The following MCU variants were observed in gnomAD, a reference collection of about 807,000 sequenced individuals.
The protein encoded by MCU is calcium uniporter protein, mitochondrial.
MCU carries 12 observed loss-of-function variants against 45.2 expected under a neutral mutation model. That is an observed-to-expected ratio of 0.27 (90% confidence interval 0.17 to 0.43). The LOEUF is 0.43. Ranked by LOEUF, MCU falls within the 20% of genes least tolerant of loss-of-function variation. The pLI, the probability that MCU is intolerant of heterozygous loss-of-function variation, is 1.00. For synonymous variants in MCU, 160 were observed against 165.1 expected, an observed-to-expected ratio of 0.97 and a Z score of 0.24; for missense variants, 324 against 436.7, an observed-to-expected ratio of 0.74 and a Z score of 2.30.
In MCU at chr10:72,844,440, AC is replaced by A. The variant is rs1374401343; in HGVS notation, c.220+10013del. ...AAAAATTAGCTGGGCATGGAGGCATACACCTGTAGTTGTAGCTACTCAGGAG... is the reference window on the plus strand; with the variant it reads ...AAAAATTAGCTGGGCATGGAGGCATAACCTGTAGTTGTAGCTACTCAGGAG... On this transcript the variant is annotated intron_variant, in intron 2 of 7. Coordinates refer to ENST00000373053, the MANE Select transcript of MCU (RefSeq NM_138357.3). Among the ~76,000 whole-genome samples, 29 of 151,946 alleles carry A rather than the reference AC, an allele frequency of 1.9e-4. 1 individual carries two copies. The highest frequency in any genetic ancestry group is 7.0e-4 in the African/African-American group (29 of 41,434).
At chr10:72,696,161 C>CAAAAAA (rs58694098) in intron 1 of MCU, among the ~76,000 whole-genome samples, 376 of 30,646 alleles carry the variant, frequency 0.012, 2 homozygotes, top group Non-Finnish European at 0.018. Flanking sequence ...AACTCCGACT[C>CAAAAAA]AAAAAAAAAA....
At chr10:72,765,110 GAGTT>G (rs973066150) in intron 1 of MCU, among the ~76,000 whole-genome samples, 36 of 150,178 alleles carry the variant, frequency 2.4e-4, no homozygotes, top group African/African-American at 6.1e-4. Context: ...AAAAAAGAGA[GAGTT>G]AGGGCATGTA....
At chr10:72,693,165 C>G in intron 1 of MCU, 2 of 1,203,124 alleles carry the variant, frequency 1.7e-6, no homozygotes, top group Non-Finnish European at 2.4e-6. Context: ...TTTGAACACT[C>G]TTGGGTGAGT....
At chr10:72,823,306 A>T (rs1000146016) in intron 1 of MCU, among the ~76,000 whole-genome samples, 5 of 152,232 alleles carry the variant, frequency 3.3e-5, no homozygotes, top group African/African-American at 1.2e-4. Context: ...TAGAAAATAC[A>T]GAAGATGGTA....
At chr10:72,785,790 T>C (rs776598683) in intron 1 of MCU, among the ~76,000 whole-genome samples, 1 of 152,236 alleles carries the variant, frequency 6.6e-6, no homozygotes, top group Non-Finnish European at 1.5e-5. Flanking sequence ...TTTAATTTAG[T>C]GTCAATTGTC....
intron 1 of MCU, among the ~76,000 whole-genome samples, chr10:72,830,598 TAA>T (rs1844864680): frequency 6.6e-6 from 1 of 152,214 alleles, no homozygotes; most frequent in African/African-American, 2.4e-5. Context: ...TGTCAGTATT[TAA>T]AAGTTACTAC....
chr10:72,886,668 C>T lies in MCU; in HGVS notation c.*846C>T, dbSNP rs1036916166. On this transcript the variant is annotated 3_prime_UTR_variant, in exon 8 of 8. Transcript: ENST00000373053. Reference sequence around the variant, plus strand: ...GGGGTGTTCAGCTGTACTACCAAATCAGGAAGATGTAAGGTTTACAAATTG... The same window carrying T: ...GGGGTGTTCAGCTGTACTACCAAATTAGGAAGATGTAAGGTTTACAAATTG... 13 of 152,330 alleles carry T rather than the reference C, an allele frequency of 8.5e-5. No individual in the cohort carries two copies. The allele number at this position is 152,330 out of a possible 1,614,324, so 9.4% of individuals were successfully genotyped here. A position where few individuals can be genotyped will look rare whatever the true frequency, so the allele number is the denominator to read the frequency against.
chr10:72,781,598 G>C (rs961457042), intron 1 of MCU, among the ~76,000 whole-genome samples: 1 of 152,174 alleles, frequency 6.6e-6, no homozygotes, highest in South Asian at 2.1e-4. Flanking sequence ...ATGGTCATGT[G>C]CATCTGCAAA....
intron 1 of MCU, among the ~76,000 whole-genome samples, chr10:72,732,540 A>AT (rs1384994132): frequency 6.6e-6 from 1 of 152,224 alleles, no homozygotes; most frequent in Non-Finnish European, 1.5e-5. Context: ...TAGATCAAAC[A>AT]TGATAGGATC....
At chr10:72,731,757 T>C (rs1248108592) in intron 1 of MCU, among the ~76,000 whole-genome samples, 3 of 152,346 alleles carry the variant, frequency 2.0e-5, no homozygotes, top group African/African-American at 7.2e-5. Flanking sequence ...GTAATGTTTT[T>C]GGGGTTCATT....
At chr10:72,762,976 C>A (rs1293555404) in intron 1 of MCU, among the ~76,000 whole-genome samples, 3 of 152,088 alleles carry the variant, frequency 2.0e-5, no homozygotes, top group African/African-American at 7.2e-5. Flanking sequence ...GTTTCCTTGC[C>A]TTTTCTGGTT....
At chr10:72,708,670 C>T (rs951185514) in intron 1 of MCU, among the ~76,000 whole-genome samples, 1 of 152,092 alleles carries the variant, frequency 6.6e-6, no homozygotes, top group Non-Finnish European at 1.5e-5. Context: ...AGCTGTAGAT[C>T]ATCTTGTTCT....
intron 1 of MCU, among the ~76,000 whole-genome samples, chr10:72,825,816 A>C (rs976554860): frequency 7.2e-5 from 11 of 152,216 alleles, no homozygotes; most frequent in Admixed American, 3.9e-4. Flanking sequence ...ATGAATTAAT[A>C]GACTTTCAGA....
chr10:72,734,151 C>T (rs1843219224), intron 1 of MCU, among the ~76,000 whole-genome samples: 1 of 152,122 alleles, frequency 6.6e-6, no homozygotes, highest in Non-Finnish European at 1.5e-5. Context: ...GAGGCTGAGG[C>T]AGGAGGATCC....
intron 1 of MCU, among the ~76,000 whole-genome samples, chr10:72,726,261 G>GT (rs2132678436): frequency 9.2e-6 from 1 of 108,242 alleles, no homozygotes; most frequent in South Asian, 2.3e-4. Flanking sequence ...ACACACGTGT[G>GT]TGTGTGTGTG....
chr10:72,717,588 C>G (rs1314298769), intron 1 of MCU, among the ~76,000 whole-genome samples: 1 of 152,008 alleles, frequency 6.6e-6, no homozygotes, highest in Non-Finnish European at 1.5e-5. Context: ...TCACTAAGTG[C>G]TTATAGTATA....
chr10:72,847,548 C>G (rs555638241), intron 2 of MCU, among the ~76,000 whole-genome samples: 1 of 152,146 alleles, frequency 6.6e-6, no homozygotes. Flanking sequence ...TCTGTACTAT[C>G]TGCAGCTGGG....
chr10:72,726,767 G>A (rs1362595528), intron 1 of MCU, among the ~76,000 whole-genome samples: 1 of 152,044 alleles, frequency 6.6e-6, no homozygotes, highest in Non-Finnish European at 1.5e-5. Flanking sequence ...GCTTTTCTTA[G>A]CCAACTTAAG....
intron 1 of MCU, among the ~76,000 whole-genome samples, chr10:72,815,221 A>G (rs1299421996): frequency 2.6e-5 from 4 of 152,232 alleles, no homozygotes; most frequent in African/African-American, 7.2e-5. Flanking sequence ...CATACACACT[A>G]TATATGGCTG....
Sources: gnomAD v4.1 joint callset for allele counts (sites outside exome capture counted in the v4.1 genomes callset) on GRCh38, gnomAD v4.1.1 for gene constraint, MANE v1.5 for transcripts, NCBI Gene and HGNC (gene_info 2026-07-23, HGNC 2026-07-21) for gene names.